P2RX5: variants seen among roughly 807,000 people sequenced by gnomAD.
P2RX5 encodes the protein P2X purinoceptor 5.
Under a neutral mutation model 54.1 loss-of-function variants are expected in P2RX5, and 46 were observed. The ratio of observed to expected loss-of-function variants is 0.85; its 90% confidence interval spans 0.67 to 1.09. The LOEUF (loss-of-function observed/expected upper bound fraction) is 1.09, where lower values mean the gene tolerates loss of function less well. P2RX5 is among the 50% of genes least tolerant of loss of function. The pLI, the probability that P2RX5 is intolerant of heterozygous loss-of-function variation, is 0.00. For synonymous variants in P2RX5, 226 were observed against 226.4 expected (o/e 1.00, Z 0.02); for missense variants, 566 against 549.8 (o/e 1.03, Z -0.29).
chr17:3,700,559 A>G (rs1006572859), upstream of P2RX5, among the ~76,000 whole-genome samples: 6 of 151,454 alleles, frequency 4.0e-5, no homozygotes, highest in African/African-American at 1.5e-4. Flanking sequence ...ATTCCAAGTC[A>G]GGGACATTTC....
At chr17:3,690,709 G>A (rs539674167) in intron 3 of P2RX5, 29 bp from the exon 4 acceptor site, 12 of 1,608,848 alleles carry the variant, frequency 7.5e-6, no homozygotes, top group Non-Finnish European at 1.0e-5. Context: ...CACCTGGATG[G>A]GGGGGTTCCC....
upstream of P2RX5, chr17:3,696,187 C>G: frequency 2.2e-6 from 1 of 459,226 alleles, no homozygotes; most frequent in Non-Finnish European, 3.4e-6. Flanking sequence ...CTTTTATTGA[C>G]GCGGTTGAGA....
At chr17:3,682,509 G>A (rs550377518) in intron 9 of P2RX5, 27 of 194,236 alleles carry the variant, frequency 1.4e-4, no homozygotes, top group African/African-American at 5.1e-4. Flanking sequence ...GGGAAATGCC[G>A]CAGGGCCTGT....
rs761050114 is a variant in P2RX5 at position 3,690,534 on chromosome 17, G to A, written c.437-11C>T. 6.2e-7 allele frequency: 1 copy of A among 1,612,902 alleles called. No homozygotes were observed. Among genetic ancestry groups the A allele is most frequent in the Non-Finnish European group, 8.5e-7 (1 of 1,179,326 alleles). Reference sequence around the variant, plus strand: ...GGCCGGTCTTCACTCCTGCAGGGGTGGGACAGGATCAATGCCAGGAGCCTC... The same window carrying A: ...GGCCGGTCTTCACTCCTGCAGGGGTAGGACAGGATCAATGCCAGGAGCCTC... On this transcript the variant is annotated splice_polypyrimidine_tract_variant and intron_variant, in intron 4 of 11. Transcript: ENST00000225328.
In P2RX5 at chr17:3,682,648, A is replaced by G. The variant is rs544790938; in HGVS notation, c.982-670T>C. On this transcript the variant is annotated intron_variant, in intron 9 of 11. Coordinates refer to ENST00000225328, the MANE Select transcript of P2RX5 (RefSeq NM_002561.4). ...GAGGCACCACAGCCCGAATTTTGGC[A>G]TTTAGAAAGATCCCTGTGGTAGTCA... 4.3e-5 allele frequency: 7 copies of G among 161,494 alleles called. No individual in the cohort carries two copies. The East Asian group carries it at 1.3e-3, about 29-fold the overall frequency. 10.0% of individuals were successfully genotyped at this position (161,494 alleles called of 1,614,324 possible).
intron 1 of P2RX5, among the ~76,000 whole-genome samples, chr17:3,692,763 G>C (rs2050653391): frequency 6.6e-6 from 1 of 152,156 alleles, no homozygotes; most frequent in African/African-American, 2.4e-5. Context: ...GATCCCTCGA[G>C]CCTGGGAGGT....
chr17:3,719,480 G>T, the P2RX5 span, among the ~76,000 whole-genome samples: 1 of 152,064 alleles, frequency 6.6e-6, no homozygotes, highest in Non-Finnish European at 1.5e-5. Context: ...GTCCAGGCAA[G>T]GGTCAACAAG....
the P2RX5 span, chr17:3,714,569 T>C: frequency 6.8e-6 from 2 of 292,712 alleles, no homozygotes; most frequent in African/African-American, 2.2e-5. Flanking sequence ...ACTTGCCCTA[T>C]CAGGCAAAAT....
chr17:3,720,177 G>A, the P2RX5 span: 1 of 585,596 alleles, frequency 1.7e-6, no homozygotes, highest in Non-Finnish European at 3.1e-6. Context: ...CACAAAGGCA[G>A]CGATGGCAGA....
At chr17:3,714,635 A>C in the P2RX5 span, 1 of 439,798 alleles carries the variant, frequency 2.3e-6, no homozygotes, top group Non-Finnish European at 4.0e-6. Context: ...TACTGCAAAG[A>C]AAAGTGTAAA....
the P2RX5 span, among the ~76,000 whole-genome samples, chr17:3,712,190 A>G: frequency 6.6e-6 from 1 of 152,248 alleles, no homozygotes; most frequent in African/African-American, 2.4e-5. Flanking sequence ...AAACAACCCA[A>G]GAGTTACAAG....
upstream of P2RX5, among the ~76,000 whole-genome samples, chr17:3,700,304 G>C (rs1319411678): frequency 6.6e-6 from 1 of 152,138 alleles, no homozygotes; most frequent in Non-Finnish European, 1.5e-5. Context: ...GGAGGCCGAG[G>C]CAGGCAGATC....
chr17:3,712,438 A>T, the P2RX5 span, among the ~76,000 whole-genome samples: 1 of 151,948 alleles, frequency 6.6e-6, no homozygotes, highest in African/African-American at 2.4e-5. Context: ...CGGGGCTGGG[A>T]TAACAGGCAG....
upstream of P2RX5, among the ~76,000 whole-genome samples, chr17:3,698,447 G>A (rs569795026): frequency 2.6e-5 from 4 of 152,224 alleles, no homozygotes; most frequent in South Asian, 8.3e-4. Context: ...TTCTTTGAAG[G>A]GGTCTTTAGA....
chr17:3,681,835 GA>G, intron 10 of P2RX5, 60 bp downstream of exon 10: 1 of 1,155,556 alleles, frequency 8.7e-7, no homozygotes, highest in Non-Finnish European at 1.3e-6. Flanking sequence ...GCAAAGGCTC[GA>G]AGCCACGGGG....
chr17:3,676,465 T>G (rs1010915957), intron 11 of P2RX5: 4 of 984,260 alleles, frequency 4.1e-6, no homozygotes, highest in Middle Eastern at 5.2e-4. Flanking sequence ...TTCTAAACTT[T>G]GAATCATGTA....
At chr17:3,676,745 C>G (rs747416021) in intron 11 of P2RX5, 10 of 232,868 alleles carry the variant, frequency 4.3e-5, no homozygotes, top group Non-Finnish European at 7.1e-5. Flanking sequence ...CTAGCAGGCT[C>G]CGGTCCCTGG....
At chr17:3,723,616 A>T in the P2RX5 span, 1 of 1,425,688 alleles carries the variant, frequency 7.0e-7, no homozygotes, top group African/African-American at 1.4e-5. Context: ...CAGGAAAAAC[A>T]GTCTCCTGGC....
At chr17:3,693,038 C>T (rs2050660505) in intron 1 of P2RX5, among the ~76,000 whole-genome samples, 2 of 142,820 alleles carry the variant, frequency 1.4e-5, no homozygotes, top group Admixed American at 1.5e-4. Flanking sequence ...GTTTAGTATC[C>T]AGAAGATACA....
Sources: gnomAD v4.1 joint callset for allele counts (sites outside exome capture counted in the v4.1 genomes callset) on GRCh38, gnomAD v4.1.1 for gene constraint, MANE v1.5 for transcripts, NCBI Gene and HGNC (gene_info 2026-07-23, HGNC 2026-07-21) for gene names.